Variants in PFKFB4 observed in about 807,000 individuals in gnomAD.
PFKFB4 encodes the protein 6-phosphofructo-2-kinase/fructose-2,6-bisphosphatase 4.
A neutral mutation model predicts 62.8 loss-of-function variants in PFKFB4; 42 were observed. The ratio of observed to expected loss-of-function variants is 0.67; its 90% CI spans 0.52 to 0.86. The LOEUF (loss-of-function observed/expected upper bound fraction) is 0.86. Among genes scored for constraint, PFKFB4 ranks in the 40% least tolerant of loss-of-function variants. The probability of loss-of-function intolerance (pLI) is 0.00; values close to 1 mark genes in which losing one functional copy is unlikely to be tolerated. For missense variants in PFKFB4, 475 were observed against 627.2 expected, an observed-to-expected ratio of 0.76 and a Z score of 2.59; for synonymous variants, 204 against 240.7, an observed-to-expected ratio of 0.85 and a Z score of 1.41.
rs1217107642 is a variant in PFKFB4, at chr3:48,521,249, A to C, written c.1350+737T>G. On this transcript the variant is annotated intron_variant, in intron 13 of 13. Transcript: ENST00000232375. The surrounding 1 kb of genome is among the most constrained non-coding windows in gnomAD (Gnocchi z 5.3). ...TGAGGCCCAAGAGCCTTCTCCGTGC[A>C]GTGGCCTCCAGGAACTGGGACCGGG... Among the ~76,000 whole-genome samples, 1 of 152,182 alleles carries C rather than the reference A, an allele frequency of 6.6e-6. No individual in the cohort carries two copies. The highest frequency in any genetic ancestry group is 1.5e-5 in the Non-Finnish European group (1 of 68,020).
chr3:48,540,916 A>G (rs1427804583), intron 4 of PFKFB4, among the ~76,000 whole-genome samples: 1 of 151,018 alleles, frequency 6.6e-6, no homozygotes, highest in Non-Finnish European at 1.5e-5. Flanking sequence ...CTGGGATTAC[A>G]GCTACTTGTG....
chr3:48,559,405 A>T (rs528368134), upstream of PFKFB4: 78 of 411,846 alleles, frequency 1.9e-4, no homozygotes, highest in South Asian at 1.3e-3. Flanking sequence ...AGGGTCCAAG[A>T]TCACAAAGCG....
intron 4 of PFKFB4, 118 bp from the exon 5 acceptor site, chr3:48,539,889 T>C: frequency 1.3e-6 from 1 of 792,296 alleles, no homozygotes; most frequent in Non-Finnish European, 2.1e-6. Context: ...GGATTTCTCA[T>C]AAGGACCAGC....
intron 9 of PFKFB4, among the ~76,000 whole-genome samples, chr3:48,535,309 C>G (rs150347619): frequency 1.3e-5 from 2 of 152,102 alleles, no homozygotes; most frequent in Non-Finnish European, 2.9e-5. Context: ...CTCCCAGGCT[C>G]ACTCCTGAGA....
chr3:48,561,118 T>C, upstream of PFKFB4: 1 of 1,283,182 alleles, frequency 7.8e-7, no homozygotes, highest in Non-Finnish European at 1.0e-6. The surrounding 1 kb of genome is among the most constrained non-coding windows in gnomAD (Gnocchi z 5.2). Context: ...CTGTCCATCC[T>C]GCAACCAAAC....
chr3:48,522,997 G>A (rs549714823), intron 12 of PFKFB4, among the ~76,000 whole-genome samples: 25 of 151,840 alleles, frequency 1.6e-4, no homozygotes, highest in Admixed American at 9.2e-4. Flanking sequence ...TCTTGACCTC[G>A]TGATCCACCC....
At chr3:48,525,905 T>TAC (rs1318903900) in intron 9 of PFKFB4, 2 of 343,892 alleles carry the variant, frequency 5.8e-6, no homozygotes, top group Non-Finnish European at 1.1e-5. Flanking sequence ...ACCCATCCAA[T>TAC]ACACACAGAG....
At chr3:48,547,948 T>C (rs189728690) in intron 3 of PFKFB4, 4 of 152,346 alleles carry the variant, frequency 2.6e-5, no homozygotes, top group Admixed American at 1.3e-4. Flanking sequence ...TAATAGGAGA[T>C]GGCCCTGTGG....
chr3:48,519,572 G>A lies in PFKFB4; in HGVS notation c.*175C>T, dbSNP rs1237162340. The A allele has an allele frequency of 2.4e-5, 14 of 595,564 alleles. No homozygotes were observed. Among genetic ancestry groups the A allele is most frequent in the Non-Finnish European group, 3.6e-5 (12 of 331,544 alleles). The allele number at this position is 595,564 out of a possible 1,614,324, so 36.9% of individuals were successfully genotyped here. ...AGGAGCCACGCACAACCTTGTCGCC[G>A]ACTGTCAACAAAGAGCCAGGTGGGC... On this transcript the variant is annotated 3_prime_UTR_variant, in exon 14 of 14. Coordinates refer to ENST00000232375, the MANE Select transcript of PFKFB4 (RefSeq NM_004567.4).
chr3:48,562,547 A>G (rs941907797), upstream of PFKFB4: 3 of 553,002 alleles, frequency 5.4e-6, no homozygotes, highest in Non-Finnish European at 9.5e-6. The surrounding 1 kb of genome is among the most constrained non-coding windows in gnomAD (Gnocchi z 4.3). Context: ...CAGTGACCCA[A>G]CTTAGCAATG....
upstream of PFKFB4, chr3:48,562,725 G>T: frequency 1.1e-5 from 16 of 1,439,130 alleles, no homozygotes; most frequent in Non-Finnish European, 1.5e-5. This position sits in a 1 kb window ranked among gnomAD's most constrained non-coding sequence, Gnocchi z 4.3. Context: ...CCAGCTGTGT[G>T]GCTGCCCTCC....
At position 48,539,319 on chromosome 3, in the gene PFKFB4, G is replaced by C; in HGVS notation, c.454-9C>G. On this transcript the variant is annotated splice_polypyrimidine_tract_variant and intron_variant, in intron 5 of 13. Coordinates refer to ENST00000232375, the MANE Select transcript of PFKFB4 (RefSeq NM_004567.4). Reference sequence around the variant, plus strand: ...GACTCGACAAAAAAGGTCTGCGGCAGGACCAGAAGCGCCGGGGTGGTGGGA... The same window carrying C: ...GACTCGACAAAAAAGGTCTGCGGCACGACCAGAAGCGCCGGGGTGGTGGGA... The C allele has an allele frequency of 6.2e-7, 1 of 1,613,622 alleles. No individual in the cohort carries two copies. The highest frequency in any genetic ancestry group is 8.5e-7 in the Non-Finnish European group (1 of 1,179,648).
chr3:48,541,086 ATTTT>A (rs763161680), intron 4 of PFKFB4, among the ~76,000 whole-genome samples: 12 of 128,376 alleles, frequency 9.3e-5, no homozygotes, highest in Admixed American at 3.2e-4. Context: ...CATCTGGCTA[ATTTT>A]TTTTTTTTTT....
chr3:48,533,893 T>C (rs2042509972), intron 9 of PFKFB4, among the ~76,000 whole-genome samples: 1 of 152,030 alleles, frequency 6.6e-6, no homozygotes, highest in Admixed American at 6.6e-5. Context: ...CAAACAACTG[T>C]TTTTAGACAC....
upstream of PFKFB4, chr3:48,561,043 C>T (rs117979743): frequency 4.7e-4 from 606 of 1,276,754 alleles, 7 homozygotes; most frequent in East Asian, 0.029. This position sits in a 1 kb window ranked among gnomAD's most constrained non-coding sequence, Gnocchi z 5.2. Context: ...CACGCTGTCC[C>T]GTGCCTACCC....
intron 3 of PFKFB4, among the ~76,000 whole-genome samples, chr3:48,546,343 T>C (rs1359174926): frequency 6.6e-6 from 1 of 151,766 alleles, no homozygotes; most frequent in Non-Finnish European, 1.5e-5. Context: ...AGTATGCATG[T>C]GGGGGTGACC....
In PFKFB4 at chr3:48,550,268, C is replaced by A. The variant is rs780898678; in HGVS notation, c.98-34G>T. ...CAAGCAGCACAGTGTCAGATGAGGG[C>A]TGGGACCCTCCCAGCGCACCCCTCC... On this transcript the variant is annotated intron_variant, in intron 1 of 13. Transcript: ENST00000232375. 2.5e-5 allele frequency: 35 copies of A among 1,402,070 alleles called. No homozygotes were observed. In the Admixed American group the frequency reaches 5.7e-4, roughly 23 times the overall value. 86.9% of individuals were successfully genotyped at this position (1,402,070 alleles called of 1,614,324 possible).
chr3:48,533,073 A>G (rs1360306055), intron 9 of PFKFB4, among the ~76,000 whole-genome samples: 2 of 152,102 alleles, frequency 1.3e-5, no homozygotes, highest in African/African-American at 2.4e-5. Flanking sequence ...GGGTCTCACT[A>G]TGTTGTCCAG....
chr3:48,523,921 A>T, intron 10 of PFKFB4, 91 bp from the exon 11 acceptor site: 3 of 1,365,538 alleles, frequency 2.2e-6, no homozygotes, highest in Non-Finnish European at 3.0e-6. Context: ...CCACTCCTGC[A>T]GCTACTCACC....
Sources: allele counts gnomAD v4.1 joint callset (sites outside exome capture counted in the v4.1 genomes callset), GRCh38; gene constraint gnomAD v4.1.1; non-coding constraint Gnocchi (gnomAD v3.1); transcripts MANE v1.5; gene names NCBI Gene and HGNC (gene_info 2026-07-23, HGNC 2026-07-21).